The following FLYWCH1 variants were observed in gnomAD, a reference collection of about 807,000 sequenced individuals.
FLYWCH1 encodes FLYWCH-type zinc finger-containing protein 1.
FLYWCH1 carries 75 observed loss-of-function variants against 66.4 expected under a neutral mutation model. The observed-to-expected ratio is 1.13, with a 90% confidence interval of 0.94 to 1.37. FLYWCH1 has a LOEUF of 1.37. Ranked by LOEUF, FLYWCH1 falls within the 40% of genes most tolerant of loss-of-function variation. FLYWCH1 has a pLI of 0.00. For synonymous variants in FLYWCH1, 595 were observed against 429.9 expected (o/e 1.38, Z -4.75); for missense variants, 1,334 against 1,001.8 (o/e 1.33, Z -4.48).
chr16:2,951,157 CCAA>C lies in FLYWCH1; in HGVS notation c.*2436_*2438del, dbSNP rs1305165773. On this transcript the variant is annotated 3_prime_UTR_variant, in exon 10 of 10. Coordinates refer to ENST00000253928, the MANE Select transcript of FLYWCH1 (RefSeq NM_001308068.2). ...GTCCGTGCCCTTTGACATGACAGTG[CCAA>C]CAACATCTCATGAAATTTAAAATAA... is the stretch of plus-strand genomic sequence containing the variant. 1.3e-5 allele frequency: 2 copies of C among 152,360 alleles called. No homozygotes were observed. The highest frequency in any genetic ancestry group is 2.1e-4 in the South Asian group (1 of 4,832). 9.4% of individuals were successfully genotyped at this position (152,360 alleles called of 1,614,324 possible).
rs376665617 is a variant in FLYWCH1 at position 2,949,100 on chromosome 16, G to C, written c.*373G>C. ...AGGGCTTTCCACCTGGCGAGGCCCCGCTCTGCTCAGCACGGTGCAAAGTGA... is the reference window on the plus strand; with the variant it reads ...AGGGCTTTCCACCTGGCGAGGCCCCCCTCTGCTCAGCACGGTGCAAAGTGA... On this transcript the variant is annotated 3_prime_UTR_variant, in exon 10 of 10. Transcript: ENST00000253928. The C allele has an allele frequency of 1.2e-5, 4 of 325,882 alleles. No individual in the cohort carries two copies. The highest frequency in any genetic ancestry group is 2.8e-5 in the South Asian group (1 of 35,846). 20.2% of individuals were successfully genotyped at this position (325,882 alleles called of 1,614,324 possible). A position where few individuals can be genotyped will look rare whatever the true frequency, so the allele number is the denominator to read the frequency against.
intron 2 of FLYWCH1, among the ~76,000 whole-genome samples, chr16:2,925,636 G>C (rs901010714): frequency 4.6e-5 from 7 of 151,446 alleles, no homozygotes; most frequent in Non-Finnish European, 7.4e-5. Context: ...CGCTCTGCTC[G>C]AGAGGCGCCT....
rs1567346672 is a variant in FLYWCH1, at chr16:2,938,351, CGCATCATGGTCATGCGCAGCCACT to C, written c.1948_1971del (p.Ile650_Cys657del). On this transcript the variant is annotated inframe_deletion, in exon 8 of 10. Transcript: ENST00000253928. ...CAGCCGCGCCATAACCCAGGGCCAC[CGCATCATGGTCATGCGCAGCCACT>C]GCCATCAGCCTGACCTGGCAGGCCT... 2 of 1,600,948 alleles carry C rather than the reference CGCATCATGGTCATGCGCAGCCACT, an allele frequency of 1.2e-6. No individual in the cohort carries two copies. Among genetic ancestry groups the C allele is most frequent in the Admixed American group, 1.7e-5 (1 of 59,006 alleles).
rs765235834 is a variant in FLYWCH1, at chr16:2,933,793, G to A, written c.1327G>A (p.Ala443Thr). The A allele has an allele frequency of 2.9e-5, 46 of 1,609,764 alleles. No homozygotes were observed. Among genetic ancestry groups the A allele is most frequent in the Non-Finnish European group, 3.0e-5 (35 of 1,178,448 alleles). ...GTCCTTCCTCTACCGGCGGGAGAAG[G>A]CGGCTGGGGAGAAGGTGTATTGGAC... ...YESFLYRREKAAGEKVYWTCR... is the reference protein window; with the variant it reads ...YESFLYRREKTAGEKVYWTCR... The change falls in exon 6 of 10, where the codon GCG (alanine) becomes ACG (threonine). Residue 443 changes from alanine (A) to threonine (T), a missense_variant. Coordinates refer to ENST00000253928, the MANE Select transcript of FLYWCH1 (RefSeq NM_001308068.2).
Position 2,930,801 on chromosome 16 carries a change from G to C in FLYWCH1, c.717G>C (p.Pro239=). The C allele has an allele frequency of 6.2e-7, 1 of 1,600,712 alleles. No individual in the cohort carries two copies. ...CTCCTGGGCTGGTGCTGAGCAAGCC[G>C]GCCCTGGAGGAGGAGGAGGCACCCC... ...EPTPGLVLSK[P]ALEEEEAPRA... Residue 239 remains proline (P), a synonymous_variant, in exon 4 of 10, where the codon CCG becomes CCC. Transcript: ENST00000253928.
chr16:2,938,921 T>C (rs1017379563), intron 8 of FLYWCH1, among the ~76,000 whole-genome samples: 1 of 151,072 alleles, frequency 6.6e-6, no homozygotes, highest in Non-Finnish European at 1.5e-5. Context: ...CTTTTTTTTT[T>C]CTTGAGTCAG....
intron 9 of FLYWCH1, 92 bp downstream of exon 9, chr16:2,940,184 G>A (rs2071203860): frequency 1.4e-6 from 1 of 706,950 alleles, no homozygotes; most frequent in Non-Finnish European, 2.6e-6. Flanking sequence ...CAGCTTTTGT[G>A]GGTCAACATT....
chr16:2,948,591 C>T, intron 9 of FLYWCH1, 97 bp from the exon 10 acceptor site: 1 of 1,289,232 alleles, frequency 7.8e-7, no homozygotes, highest in Admixed American at 1.7e-5. Context: ...CTGTGGCATC[C>T]CCAGGAAAAA....
In FLYWCH1 at chr16:2,930,735, G is replaced by C; in HGVS notation, c.651G>C (p.Glu217Asp). ...GPGGRVEEPL[E>D]GVGPWQCPEE... Reference sequence around the variant, plus strand: ...GAGGCCGAGTGGAGGAGCCCCTGGAGGGGGTGGGCCCGTGGCAGTGCCCTG... The same window carrying C: ...GAGGCCGAGTGGAGGAGCCCCTGGACGGGGTGGGCCCGTGGCAGTGCCCTG... The change falls in exon 4 of 10, where the codon GAG becomes GAC. Residue 217 changes from glutamate to aspartate, a missense_variant. By Grantham distance (45) the Glu-to-Asp change is conservative. Coordinates refer to ENST00000253928, the MANE Select transcript of FLYWCH1 (RefSeq NM_001308068.2). The C allele has an allele frequency of 6.4e-7, 1 of 1,554,376 alleles. No individual in the cohort carries two copies. Among genetic ancestry groups the C allele is most frequent in the East Asian group, 2.4e-5 (1 of 41,688 alleles).
At chr16:2,937,021 G>A in intron 6 of FLYWCH1, 100 bp from the exon 7 acceptor site, 23 of 1,345,338 alleles carry the variant, frequency 1.7e-5, no homozygotes, top group Non-Finnish European at 2.3e-5. Context: ...TCACTGTGAG[G>A]AGGAGGTGTG....
rs1418713601 is a variant in FLYWCH1, at chr16:2,938,340, C to T, written c.1934C>T (p.Thr645Ile). 1.2e-6 allele frequency: 2 copies of T among 1,604,258 alleles called. No homozygotes were observed. Among genetic ancestry groups the T allele is most frequent in the Non-Finnish European group, 1.7e-6 (2 of 1,175,022 alleles). The change falls in exon 8 of 10, where the codon ACC (threonine) becomes ATC (isoleucine). Residue 645 changes from threonine to isoleucine, a missense_variant. By Grantham distance (89) the Thr-to-Ile change is moderately conservative. Coordinates refer to ENST00000253928, the MANE Select transcript of FLYWCH1 (RefSeq NM_001308068.2). ...ARLGCRSRAI[T>I]QGHRIMVMRS... ...CTGGGCTGCCGCAGCCGCGCCATAACCCAGGGCCACCGCATCATGGTCATG... is the reference window on the plus strand; with the variant it reads ...CTGGGCTGCCGCAGCCGCGCCATAATCCAGGGCCACCGCATCATGGTCATG...
intron 2 of FLYWCH1, chr16:2,923,218 T>C (rs914798449): frequency 4.6e-5 from 15 of 328,418 alleles, no homozygotes; most frequent in African/African-American, 3.3e-4. Flanking sequence ...CCTTCTTCGC[T>C]TTCAGCGCCA....
intron 2 of FLYWCH1, chr16:2,922,230 CGT>C (rs3066612): frequency 0.83 from 124,167 of 150,010 alleles, 51,924 homozygotes; most frequent in African/African-American, 0.93. Flanking sequence ...ACAGATGGCT[CGT>C]GTGTGTGTGT....
chr16:2,934,725 T>C (rs1196558642), intron 6 of FLYWCH1: 1 of 453,574 alleles, frequency 2.2e-6, no homozygotes, highest in Non-Finnish European at 4.4e-6. Flanking sequence ...ATTGTCTTTC[T>C]CTTTTTGTTC....
chr16:2,937,065 T>G, intron 6 of FLYWCH1, 56 bp from the exon 7 acceptor site: 1 of 1,254,366 alleles, frequency 8.0e-7, no homozygotes, highest in Non-Finnish European at 1.0e-6. Flanking sequence ...GGGGCCATGC[T>G]GATCTGGGCT....
chr16:2,940,514 C>T lies in FLYWCH1; in HGVS notation c.2111+422C>T, dbSNP rs146547085. 2.7e-4 allele frequency among the ~76,000 whole-genome samples: 41 copies of T among 152,318 alleles called. 1 individual carries two copies. In the East Asian group the frequency reaches 7.7e-3, roughly 29 times the overall value. On this transcript the variant is annotated intron_variant, in intron 9 of 9. Coordinates refer to ENST00000253928, the MANE Select transcript of FLYWCH1 (RefSeq NM_001308068.2). Reference sequence around the variant, plus strand: ...ACAGCGGCATGATCTCAGCTCACTGCAAACTCTACCTTCCGGGTTCAAGCA... The same window carrying T: ...ACAGCGGCATGATCTCAGCTCACTGTAAACTCTACCTTCCGGGTTCAAGCA...
At chr16:2,914,097 T>A (rs545594285) in intron 1 of FLYWCH1, 79 bp from the exon 2 acceptor site, 1 of 152,364 alleles carries the variant, frequency 6.6e-6, no homozygotes, top group South Asian at 2.1e-4. Flanking sequence ...GCTGAACACC[T>A]TGTTCTTGTC....
intron 4 of FLYWCH1, among the ~76,000 whole-genome samples, chr16:2,932,275 A>AAAAAC (rs2070792215): frequency 6.8e-6 from 1 of 148,130 alleles, no homozygotes; most frequent in Admixed American, 6.8e-5. Context: ...TGTCTCAAAA[A>AAAAAC]AAAAAAAAAA....
At chr16:2,934,872 G>T in intron 6 of FLYWCH1, 1 of 250,950 alleles carries the variant, frequency 4.0e-6, no homozygotes, top group South Asian at 3.6e-5. Context: ...ACTATTAATT[G>T]GTTTTTCCAT....
Sources: allele counts gnomAD v4.1 joint callset (sites outside exome capture counted in the v4.1 genomes callset), GRCh38; gene constraint gnomAD v4.1.1; transcripts MANE v1.5; gene names NCBI Gene and HGNC (gene_info 2026-07-23, HGNC 2026-07-21).